Variants in HACE1 observed in about 807,000 individuals in gnomAD.
HACE1 encodes E3 ubiquitin-protein ligase HACE1.
In HACE1, 73 loss-of-function variants were observed where a neutral mutation model predicts 118.4. The observed-to-expected ratio is 0.62, with a 90% CI of 0.51 to 0.75. The LOEUF (loss-of-function observed/expected upper bound fraction) is 0.75. Among genes scored for constraint, HACE1 ranks in the 30% least tolerant of loss-of-function variants. The pLI is 0.00. For synonymous variants in HACE1, 368 were observed against 374.8 expected, an observed-to-expected ratio of 0.98 and a Z score of 0.21; for missense variants, 749 against 1,102.2, an observed-to-expected ratio of 0.68 and a Z score of 4.54.
At chr6:104,738,336 G>T (rs548281821) in intron 22 of HACE1, among the ~76,000 whole-genome samples, 1 of 151,806 alleles carries the variant, frequency 6.6e-6, no homozygotes, top group Non-Finnish European at 1.5e-5. Context: ...TTGATGAGCT[G>T]AGAGAAGAAG....
chr6:104,738,300 G>A (rs1274649758), intron 22 of HACE1, among the ~76,000 whole-genome samples: 4 of 152,256 alleles, frequency 2.6e-5, no homozygotes, highest in Non-Finnish European at 4.4e-5. Flanking sequence ...CACCAGCAAC[G>A]GAACAAAGCT....
intron 14 of HACE1, among the ~76,000 whole-genome samples, chr6:104,781,913 T>A (rs373209170): frequency 6.0e-4 from 91 of 152,214 alleles, no homozygotes; most frequent in African/African-American, 2.1e-3. Context: ...GTCAACAAAG[T>A]GGATACCTAA....
At chr6:104,745,017 A>T (rs1178736709) in intron 20 of HACE1, among the ~76,000 whole-genome samples, 1 of 152,184 alleles carries the variant, frequency 6.6e-6, no homozygotes, top group Non-Finnish European at 1.5e-5. Flanking sequence ...GACAACAAAG[A>T]CCCGAATAAA....
At chr6:104,794,837 G>A (rs934494369) in intron 10 of HACE1, among the ~76,000 whole-genome samples, 8 of 152,032 alleles carry the variant, frequency 5.3e-5, no homozygotes, top group African/African-American at 1.9e-4. Context: ...CCTGGGAGGT[G>A]GAGGTTGCAG....
chr6:104,730,230 CAGTT>C, intron 23 of HACE1, 69 bp downstream of exon 23: 1 of 809,980 alleles, frequency 1.2e-6, no homozygotes, highest in East Asian at 2.5e-5. Flanking sequence ...AATGCAGCAA[CAGTT>C]AGATCTCTGA....
chr6:104,852,229 G>GCA (rs1554264948), intron 2 of HACE1, 88 bp downstream of exon 2: 1 of 624,512 alleles, frequency 1.6e-6, no homozygotes, highest in African/African-American at 4.2e-5. Context: ...GTGTGTGTGT[G>GCA]CGCGCGTGCG....
At chr6:104,750,299 T>C in intron 20 of HACE1, 42 bp downstream of exon 20, 1 of 1,544,640 alleles carries the variant, frequency 6.5e-7, no homozygotes, top group Non-Finnish European at 8.9e-7. Context: ...CTAGAGTTTT[T>C]TGTTGTTGTG....
At chr6:104,816,961 T>C (rs1007886793) in intron 6 of HACE1, among the ~76,000 whole-genome samples, 7 of 152,198 alleles carry the variant, frequency 4.6e-5, no homozygotes, top group Admixed American at 4.6e-4. Flanking sequence ...GCATGGGGCC[T>C]GTAGCCTTTG....
At chr6:104,856,933 AGTTTCAACCTT>A (rs1368403723) in intron 1 of HACE1, among the ~76,000 whole-genome samples, 19 of 152,292 alleles carry the variant, frequency 1.2e-4, no homozygotes, top group African/African-American at 4.6e-4. Flanking sequence ...AAACATCTAT[AGTTTCAACCTT>A]TGCAACAAAA....
In HACE1 at chr6:104,833,183, C is replaced by A. The variant is rs756648178; in HGVS notation, c.403-10G>T. On this transcript the variant is annotated splice_polypyrimidine_tract_variant and intron_variant, in intron 5 of 23. Coordinates refer to ENST00000262903, the MANE Select transcript of HACE1 (RefSeq NM_020771.4). Reference sequence around the variant, plus strand: ...CAGCCAGCCAATGTATCTGTGAAGCCATTTAGTTACTTAACATTTGTGTAA... The same window carrying A: ...CAGCCAGCCAATGTATCTGTGAAGCAATTTAGTTACTTAACATTTGTGTAA... 1.2e-6 allele frequency: 2 copies of A among 1,611,254 alleles called. No individual in the cohort carries two copies. Among genetic ancestry groups the A allele is most frequent in the East Asian group, 4.5e-5 (2 of 44,850 alleles).
intron 14 of HACE1, among the ~76,000 whole-genome samples, chr6:104,782,714 T>G (rs73768813): frequency 2.2e-3 from 335 of 152,342 alleles, no homozygotes; most frequent in African/African-American, 7.8e-3. Flanking sequence ...TCATTATTAC[T>G]GCCTTCTCTT....
rs143857542 is a variant in HACE1, at chr6:104,843,603, T to C, written c.327-305A>G. 4.8e-3 allele frequency among the ~76,000 whole-genome samples: 732 copies of C among 152,308 alleles called. 1 individual carries two copies. The highest frequency in any genetic ancestry group is 7.0e-3 in the Non-Finnish European group (476 of 68,038). On this transcript the variant is annotated intron_variant, in intron 4 of 23. Transcript: ENST00000262903. ...ATTGACTAAGTTCATGAAATAGTAA[T>C]ATTCATTAGAAATATAACAAAATAC...
intron 19 of HACE1, among the ~76,000 whole-genome samples, chr6:104,758,392 A>G (rs1373291922): frequency 1.3e-5 from 2 of 152,214 alleles, no homozygotes; most frequent in East Asian, 3.8e-4. Context: ...GGGGGCCAAT[A>G]TTCAGTATTC....
At chr6:104,737,675 C>T (rs6933045) in intron 22 of HACE1, among the ~76,000 whole-genome samples, 2 of 152,040 alleles carry the variant, frequency 1.3e-5, no homozygotes, top group African/African-American at 4.8e-5. Context: ...CTCGGAGGGT[C>T]CTACCCCACG....
chr6:104,826,504 C>T (rs1773345221), intron 6 of HACE1, among the ~76,000 whole-genome samples: 1 of 152,136 alleles, frequency 6.6e-6, no homozygotes, highest in Non-Finnish European at 1.5e-5. Context: ...GTGAAAAATG[C>T]ACTGATCTAT....
intron 5 of HACE1, among the ~76,000 whole-genome samples, chr6:104,840,983 T>C (rs1775060391): frequency 6.6e-6 from 1 of 151,586 alleles, no homozygotes; most frequent in African/African-American, 2.4e-5. Flanking sequence ...TAGCTGGGCA[T>C]GGTAGCAGGC....
chr6:104,784,330 G>C, intron 13 of HACE1, 87 bp downstream of exon 13: 1 of 960,186 alleles, frequency 1.0e-6, no homozygotes, highest in Non-Finnish European at 1.7e-6. Context: ...TGAATAGTAC[G>C]AGAAATAGTA....
At chr6:104,766,835 C>A (rs1266144113) in intron 19 of HACE1, 2 of 152,172 alleles carry the variant, frequency 1.3e-5, no homozygotes, top group East Asian at 3.9e-4. Context: ...CTTGTCTCAG[C>A]AGCACGTATA....
chr6:104,810,853 A>G (rs1406725990), intron 7 of HACE1, among the ~76,000 whole-genome samples: 1 of 152,134 alleles, frequency 6.6e-6, no homozygotes, highest in African/African-American at 2.4e-5. Context: ...ATACAGAGAA[A>G]GAAAAGACAT....
Sources: gnomAD v4.1 joint callset for allele counts (sites outside exome capture counted in the v4.1 genomes callset) on GRCh38, gnomAD v4.1.1 for gene constraint, MANE v1.5 for transcripts, NCBI Gene and HGNC (gene_info 2026-07-23, HGNC 2026-07-21) for gene names.